DNAH14: variants seen among roughly 807,000 people sequenced by gnomAD.
DNAH14 encodes the protein axonemal beta dynein heavy chain 14.
Under a neutral mutation model 520.9 loss-of-function variants are expected in DNAH14, and 478 were observed. That is an observed-to-expected ratio of 0.92 (90% CI 0.85 to 0.99). DNAH14 has a LOEUF of 0.99. Among genes scored for constraint, DNAH14 ranks in the 50% least tolerant of loss-of-function variants. DNAH14 has a pLI of 0.00. For synonymous variants in DNAH14, 1,581 were observed against 1,757.2 expected (o/e 0.90, Z 2.51); for missense variants, 4,831 against 5,234.5 (o/e 0.92, Z 2.38).
intron 75 of DNAH14, 127 bp downstream of exon 75, chr1:225,361,018 A>G: frequency 1.2e-6 from 1 of 839,300 alleles, no homozygotes. Flanking sequence ...CTCAGATGAA[A>G]CTTAACCTAT....
intron 37 of DNAH14, among the ~76,000 whole-genome samples, chr1:225,190,807 A>G (rs1270535307): frequency 6.6e-6 from 1 of 152,028 alleles, no homozygotes; most frequent in Non-Finnish European, 1.5e-5. Flanking sequence ...ACTTCATCTT[A>G]GACTTTTACT....
At chr1:225,212,010 AC>A (rs772734306) in intron 41 of DNAH14, among the ~76,000 whole-genome samples, 256 of 150,670 alleles carry the variant, frequency 1.7e-3, no homozygotes, top group Non-Finnish European at 2.8e-3. Flanking sequence ...GCACCTGTTA[AC>A]TCATCATTTA....
chr1:224,943,509 A>C (rs2059574403), intron 1 of DNAH14, among the ~76,000 whole-genome samples: 1 of 151,748 alleles, frequency 6.6e-6, no homozygotes, highest in African/African-American at 2.4e-5. Flanking sequence ...TTCTGCTCTG[A>C]TCTTAGTTAT....
chr1:225,310,060 A>AAAAT (rs139314329), intron 60 of DNAH14, among the ~76,000 whole-genome samples: 23 of 151,110 alleles, frequency 1.5e-4, no homozygotes, highest in African/African-American at 1.9e-4. Context: ...TAAAAAAAGA[A>AAAAT]AAATAAATAA....
Position 225,324,848 on chromosome 1 carries a change from C to G in DNAH14, c.9723+16C>G. 6.5e-7 allele frequency: 1 copy of G among 1,540,708 alleles called. No homozygotes were observed. The highest frequency in any genetic ancestry group is 1.2e-5 in the South Asian group (1 of 83,572). On this transcript the variant is annotated intron_variant, in intron 64 of 85. Coordinates refer to ENST00000682510, the MANE Select transcript of DNAH14 (RefSeq NM_001367479.1). ...TTTACAGCTGGTAAGAAATACAGTT[C>G]AGTTCTCAAAATAAGACAAAACACC...
rs113700883 is a variant in DNAH14, at chr1:225,043,730, A to T, written c.1769-14A>T. Reference sequence around the variant, plus strand: ...AATTTTGTATTTTCTCTTTCTTTCAATGGATTCTAATAGACACAGAAATTG... The same window carrying T: ...AATTTTGTATTTTCTCTTTCTTTCATTGGATTCTAATAGACACAGAAATTG... On this transcript the variant is annotated splice_polypyrimidine_tract_variant and intron_variant, in intron 13 of 85. Transcript: ENST00000682510. 7 of 1,444,664 alleles carry T rather than the reference A, an allele frequency of 4.8e-6. No homozygotes were observed. Among genetic ancestry groups the T allele is most frequent in the African/African-American group, 1.4e-5 (1 of 70,220 alleles). 89.5% of individuals were successfully genotyped at this position (1,444,664 alleles called of 1,614,324 possible).
chr1:225,058,915 T>A (rs1234135019), intron 17 of DNAH14, among the ~76,000 whole-genome samples: 2 of 152,228 alleles, frequency 1.3e-5, no homozygotes, highest in Non-Finnish European at 2.9e-5. Context: ...ATAATTTTTA[T>A]TCTTTTACAT....
chr1:225,137,500 C>T (rs2148998509), intron 27 of DNAH14, among the ~76,000 whole-genome samples: 1 of 152,268 alleles, frequency 6.6e-6, no homozygotes, highest in East Asian at 1.9e-4. Flanking sequence ...AGATTACGGG[C>T]ATGCACCACT....
In DNAH14 at chr1:225,392,407, G is replaced by A. The variant is rs372266024; in HGVS notation, c.13447G>A (p.Val4483Ile). The change falls in exon 84 of 86, where the codon GTA becomes ATA. Residue 4483 changes from valine to isoleucine, a missense_variant. Physicochemically the swap from Val to Ile is conservative, Grantham distance 29. Transcript: ENST00000682510. ...CACTGACAAGGATGAGAAGTTCTCC[G>A]TATTTATGCCAAAGAAACTCAACAT... ...NTTDKDEKFS[V>I]FMPKKLNIVR... The A allele has an allele frequency of 1.4e-5, 21 of 1,551,858 alleles. No homozygotes were observed. Among genetic ancestry groups the A allele is most frequent in the East Asian group, 2.4e-5 (1 of 40,926 alleles).
At position 225,002,893 on chromosome 1, in the gene DNAH14, A is replaced by G. The variant is rs2063867116; in HGVS notation, c.941A>G (p.His314Arg). The change falls in exon 9 of 86, where the codon CAT becomes CGT. Residue 314 changes from histidine (H) to arginine (R), a missense_variant. His to Arg is a conservative substitution (Grantham distance 29). Coordinates refer to ENST00000682510, the MANE Select transcript of DNAH14 (RefSeq NM_001367479.1). ...DAINLKNYND[H>R]ENNLSAICLV... ...ATTAATCTCAAAAATTATAATGACC[A>G]TGAAAATAATCTATCTGCCATATGC... 1 of 1,549,478 alleles carries G rather than the reference A, an allele frequency of 6.5e-7. No individual in the cohort carries two copies. Among genetic ancestry groups the G allele is most frequent in the Non-Finnish European group, 8.7e-7 (1 of 1,145,594 alleles).
chr1:225,344,130 G>A (rs1356143267), intron 69 of DNAH14, among the ~76,000 whole-genome samples: 1 of 151,524 alleles, frequency 6.6e-6, no homozygotes, highest in Admixed American at 6.6e-5. Flanking sequence ...AGTGGTTTTA[G>A]TAAAAATTGT....
In DNAH14 at chr1:225,104,795, G is replaced by T. The variant is rs552338275; in HGVS notation, c.3867+3911G>T. ...CTCTCTTTTCTTCTCTATTAGTCTT[G>T]CTAGCGGTCTATCAATTTTGTTGAT... On this transcript the variant is annotated intron_variant, in intron 23 of 85. Transcript: ENST00000682510. Among the ~76,000 whole-genome samples, 6 of 151,900 alleles carry T rather than the reference G, an allele frequency of 3.9e-5. No homozygotes were observed. In the East Asian group the frequency reaches 1.2e-3, roughly 29 times the overall value.
intron 64 of DNAH14, 46 bp downstream of exon 64, chr1:225,324,878 C>G (rs1315127572): frequency 6.4e-6 from 9 of 1,407,806 alleles, no homozygotes; most frequent in Non-Finnish European, 7.8e-6. Flanking sequence ...AACACCAGGA[C>G]AATGTAATTA....
intron 23 of DNAH14, among the ~76,000 whole-genome samples, chr1:225,106,258 G>T (rs1425920895): frequency 6.6e-6 from 1 of 151,794 alleles, no homozygotes; most frequent in African/African-American, 2.4e-5. Context: ...CCAGCTGTTA[G>T]TGTGATGGGC....
intron 74 of DNAH14, 56 bp from the exon 75 acceptor site, chr1:225,360,625 T>A (rs2095482489): frequency 2.1e-6 from 3 of 1,427,786 alleles, no homozygotes; most frequent in Non-Finnish European, 2.9e-6. Context: ...TTGTGATTTT[T>A]AAAAGGGAAT....
At chr1:225,121,657 A>G (rs1465504932) in intron 26 of DNAH14, among the ~76,000 whole-genome samples, 4 of 152,090 alleles carry the variant, frequency 2.6e-5, no homozygotes, top group Non-Finnish European at 4.4e-5. Context: ...CCTGGCCAAC[A>G]TGGTGAAACC....
At chr1:225,230,190 AAAC>A (rs1222094134) in intron 41 of DNAH14, among the ~76,000 whole-genome samples, 5 of 152,170 alleles carry the variant, frequency 3.3e-5, no homozygotes, top group African/African-American at 7.2e-5. Context: ...TATAATCATA[AAAC>A]AACAATTATT....
Position 225,303,326 on chromosome 1 carries a change from G to T in DNAH14, c.8802G>T (p.Lys2934Asn), listed in dbSNP as rs2094175207. ...LIVANSFLKE[K>N]VNFENRENLK... ...TAGCTAACTCATTCTTAAAAGAAAAGGTCAATTTTGAGAACAGAGAGGTAA... is the reference window on the plus strand; with the variant it reads ...TAGCTAACTCATTCTTAAAAGAAAATGTCAATTTTGAGAACAGAGAGGTAA... Residue 2934 changes from lysine (K) to asparagine (N), a missense_variant, in exon 57 of 86, where the codon AAG (lysine) becomes AAT (asparagine). By Grantham distance (94) the Lys-to-Asn change is moderately conservative. Coordinates refer to ENST00000682510, the MANE Select transcript of DNAH14 (RefSeq NM_001367479.1). 1.9e-6 allele frequency: 3 copies of T among 1,545,022 alleles called. No individual in the cohort carries two copies. Among genetic ancestry groups the T allele is most frequent in the East Asian group, 2.4e-5 (1 of 40,880 alleles).
intron 64 of DNAH14, among the ~76,000 whole-genome samples, chr1:225,325,630 A>C (rs181538598): frequency 1.3e-5 from 2 of 152,210 alleles, no homozygotes; most frequent in Non-Finnish European, 2.9e-5. Context: ...ACTAGAATTC[A>C]TATCCCTGTT....
Sources: allele counts gnomAD v4.1 joint callset (sites outside exome capture counted in the v4.1 genomes callset), GRCh38; gene constraint gnomAD v4.1.1; transcripts MANE v1.5; gene names NCBI Gene and HGNC (gene_info 2026-07-23, HGNC 2026-07-21).